The following LYPD5 variants were observed in gnomAD, a reference collection of about 807,000 sequenced individuals.
The protein encoded by LYPD5 is LY6/PLAUR domain containing 5.
Under a neutral mutation model 19.1 loss-of-function variants are expected in LYPD5, and 21 were observed. The ratio of observed to expected loss-of-function variants is 1.10; its 90% confidence interval spans 0.78 to 1.58. The LOEUF is 1.58. LYPD5 is among the 40% of genes most tolerant of loss of function. The pLI is 0.00. For missense variants in LYPD5, 287 were observed against 329.8 expected (o/e 0.87, Z 1.00); for synonymous variants, 128 against 142.7 (o/e 0.90, Z 0.74).
At position 43,799,798 on chromosome 19, in the gene LYPD5, G is replaced by T; in HGVS notation, c.101C>A (p.Thr34Asn). The T allele has an allele frequency of 6.2e-7, 1 of 1,613,740 alleles. No homozygotes were observed. Among genetic ancestry groups the T allele is most frequent in the Non-Finnish European group, 8.5e-7 (1 of 1,179,862 alleles). ...QALQCYSFEH[T>N]YFGPFDLRAM... Reference sequence around the variant, plus strand: ...CCTGAGGTCAAAGGGGCCAAAGTAGGTGTGCTCAAAGCTGTAGCACTGCAG... The same window carrying T: ...CCTGAGGTCAAAGGGGCCAAAGTAGTTGTGCTCAAAGCTGTAGCACTGCAG... Residue 34 changes from threonine to asparagine, a missense_variant, in exon 2 of 5, where the codon ACC becomes AAC. Coordinates refer to ENST00000377950, the MANE Select transcript of LYPD5 (RefSeq NM_001031749.3).
chr19:43,799,411 C>CT (rs34007941), intron 2 of LYPD5, among the ~76,000 whole-genome samples: 1 of 151,982 alleles, frequency 6.6e-6, no homozygotes, highest in Non-Finnish European at 1.5e-5. Context: ...GCCCAGCTAA[C>CT]TTTTTGTATA....
Position 43,798,450 on chromosome 19 carries a change from CT to C in LYPD5, c.517+4del. On this transcript the variant is annotated splice_donor_region_variant and intron_variant, in intron 4 of 4. Coordinates refer to ENST00000377950, the MANE Select transcript of LYPD5 (RefSeq NM_001031749.3). Reference sequence around the variant, plus strand: ...CCAGGCCCTTCCACCCTTCCAGCCCCTTACCAACTGTCATTCTGCCATTGCC... The same window carrying C: ...CCAGGCCCTTCCACCCTTCCAGCCCCTACCAACTGTCATTCTGCCATTGCC... 1 of 1,605,416 alleles carries C rather than the reference CT, an allele frequency of 6.2e-7. No individual in the cohort carries two copies.
At chr19:43,817,457 G>C (rs1970383341) in intron 1 of LYPD5, among the ~76,000 whole-genome samples, 2 of 152,164 alleles carry the variant, frequency 1.3e-5, no homozygotes, top group Admixed American at 1.3e-4. Context: ...TTGAAGGGAA[G>C]AGCTGCAAAG....
chr19:43,817,522 T>C (rs1276484766), intron 1 of LYPD5, among the ~76,000 whole-genome samples: 2 of 152,162 alleles, frequency 1.3e-5, no homozygotes, highest in African/African-American at 4.8e-5. Context: ...GGATTTTTTT[T>C]CAATCTACCA....
rs375136651 is a variant in LYPD5 at position 43,797,653 on chromosome 19, G to C, written c.694C>G (p.Arg232Gly). The change falls in exon 5 of 5, where the codon CGA (arginine) becomes GGA (glycine). Residue 232 changes from arginine to glycine, a missense_variant. Transcript: ENST00000377950. ...AGCAGGGCCAGGACCTGTAGTGCTC[G>C]GGGAGGGGTGGTGGCTGAAGCACTG... ...FTSASATTPP[R>G]ALQVLALLLP... The C allele has an allele frequency of 5.6e-6, 9 of 1,613,660 alleles. 1 individual carries two copies. The highest frequency in any genetic ancestry group is 5.5e-5 in the South Asian group (5 of 91,066).
chr19:43,799,796 A>C lies in LYPD5; in HGVS notation c.103T>G (p.Tyr35Asp). ...ALQCYSFEHT[Y>D]FGPFDLRAMK... is the part of the protein sequence containing the mutation. ...GCCCTGAGGTCAAAGGGGCCAAAGT[A>C]GGTGTGCTCAAAGCTGTAGCACTGC... Residue 35 changes from tyrosine (Y) to aspartate (D), a missense_variant, in exon 2 of 5, where the codon TAC becomes GAC. By Grantham distance (160) the Tyr-to-Asp change is radical. Transcript: ENST00000377950. 6.2e-7 allele frequency: 1 copy of C among 1,613,702 alleles called. No homozygotes were observed. Among genetic ancestry groups the C allele is most frequent in the Non-Finnish European group, 8.5e-7 (1 of 1,179,846 alleles).
chr19:43,807,276 C>CTTTTTTTTT (rs1251451176), upstream of LYPD5, among the ~76,000 whole-genome samples: 5 of 144,088 alleles, frequency 3.5e-5, no homozygotes, highest in Admixed American at 6.9e-5. Context: ...CTTTTCTTTT[C>CTTTTTTTTT]TTTTCTTTTT....
intron 1 of LYPD5, among the ~76,000 whole-genome samples, chr19:43,808,851 AC>A: frequency 6.6e-6 from 1 of 152,366 alleles, no homozygotes; most frequent in East Asian, 1.9e-4. Context: ...TTAGCATCTT[AC>A]AATACTATGT....
At chr19:43,803,572 G>T (rs1970245909), upstream of LYPD5, among the ~76,000 whole-genome samples, 1 of 151,888 alleles carries the variant, frequency 6.6e-6, no homozygotes, top group African/African-American at 2.4e-5. Flanking sequence ...GAGCCTTAAT[G>T]GTCCCCTCAG....
chr19:43,816,143 C>T (rs1021666763), intron 1 of LYPD5, among the ~76,000 whole-genome samples: 7 of 152,096 alleles, frequency 4.6e-5, no homozygotes, highest in Admixed American at 3.9e-4. Context: ...GCCTGTTTAT[C>T]AGTTTAGGAA....
At chr19:43,811,663 G>A (rs929456205) in intron 1 of LYPD5, among the ~76,000 whole-genome samples, 2 of 139,656 alleles carry the variant, frequency 1.4e-5, no homozygotes, top group Non-Finnish European at 3.1e-5. Flanking sequence ...TCTAGCCTGG[G>A]TGACAAAGGG....
In LYPD5 at chr19:43,808,807, A is replaced by C. The variant is rs893006862; in HGVS notation, c.-65-8973T>G. On this transcript the variant is annotated intron_variant, in intron 1 of 4. Transcript: ENST00000414615. ...CCTGATTATTTTTTGTCCTTGATAG[A>C]CATCGAATAAGGTTAATATTTTATC... Among the ~76,000 whole-genome samples, 3 of 152,336 alleles carry C rather than the reference A, an allele frequency of 2.0e-5. No individual in the cohort carries two copies. The South Asian group carries it at 6.2e-4, about 32-fold the overall frequency.
chr19:43,820,564 T>C (rs1243526605), exon 1 of LYPD5: 2 of 151,772 alleles, frequency 1.3e-5, no homozygotes, highest in Admixed American at 6.6e-5. Flanking sequence ...GGGGCATGAG[T>C]CCGCAACGCC....
intron 1 of LYPD5, among the ~76,000 whole-genome samples, chr19:43,812,382 T>TATCTATCA (rs1970334025): frequency 2.0e-5 from 2 of 101,306 alleles, no homozygotes; most frequent in South Asian, 6.0e-4. Flanking sequence ...TCTATCAATC[T>TATCTATCA]ATCATCTATC....
rs76874749 is a variant in LYPD5, at chr19:43,811,193, G to C, written c.-66+9347C>G. On this transcript the variant is annotated intron_variant, in intron 1 of 4. Transcript: ENST00000414615. ...AACTTTGAAATATAGGATGACATGGGGCTGGGTGCCATGGCTTATGCCTGT... is the reference window on the plus strand; with the variant it reads ...AACTTTGAAATATAGGATGACATGGCGCTGGGTGCCATGGCTTATGCCTGT... 1.7e-3 allele frequency among the ~76,000 whole-genome samples: 260 copies of C among 152,200 alleles called. 5 individuals carry two copies. The East Asian group carries it at 0.039, about 23-fold the overall frequency.
chr19:43,804,415 T>C (rs892519939), upstream of LYPD5, among the ~76,000 whole-genome samples: 2 of 91,656 alleles, frequency 2.2e-5, no homozygotes, highest in African/African-American at 6.4e-5. Context: ...CTCCATGTGA[T>C]GGACACATCC....
rs776212271 is a variant in LYPD5, at chr19:43,796,160, G to T, written c.*1431C>A. ...CTCATGATCTCACCACCTCCCAAAG[G>T]CCCCACCTCCCAGTAATATCACTTT... On this transcript the variant is annotated 3_prime_UTR_variant, in exon 5 of 5. Transcript: ENST00000377950. 17 of 152,044 alleles carry T rather than the reference G, an allele frequency of 1.1e-4. No homozygotes were observed. The highest frequency in any genetic ancestry group is 3.4e-4 in the African/African-American group (14 of 41,384). The allele number at this position is 152,044 out of a possible 1,614,324, so 9.4% of individuals were successfully genotyped here.
rs1393761757 is a variant in LYPD5, at chr19:43,797,611, G to C, written c.736C>G (p.Leu246Val). The change falls in exon 5 of 5, where the codon CTG (leucine) becomes GTG (valine). Residue 246 changes from leucine to valine, a missense_variant. By Grantham distance (32) the Leu-to-Val change is conservative. Transcript: ENST00000377950. ...GCGGTCTATGCTGAGAGCCCCACCA[G>C]CAGGAGGACTGGGAGGAGCAGGGCC... ...VLALLLPVLL[L>V]VGLSA is the part of the protein sequence containing the mutation. 6.2e-7 allele frequency: 1 copy of C among 1,607,262 alleles called. No individual in the cohort carries two copies. The highest frequency in any genetic ancestry group is 1.3e-5 in the African/African-American group (1 of 74,836).
chr19:43,799,704 A>C lies in LYPD5; in HGVS notation c.193+2T>G. On this transcript the variant is annotated splice_donor_variant, in intron 2 of 4. Transcript: ENST00000377950. LOFTEE classifies it high-confidence loss of function. ...CCCTGTCCCCCGGCTCCCGCTCCTT[A>C]CCGGTGTCCAGAGACAGGATAGCCT... 6.2e-7 allele frequency: 1 copy of C among 1,611,494 alleles called. No individual in the cohort carries two copies. The highest frequency in any genetic ancestry group is 8.5e-7 in the Non-Finnish European group (1 of 1,179,162).
Sources: gnomAD v4.1 joint callset for allele counts (sites outside exome capture counted in the v4.1 genomes callset) on GRCh38, gnomAD v4.1.1 for gene constraint, MANE v1.5 for transcripts, NCBI Gene and HGNC (gene_info 2026-07-23, HGNC 2026-07-21) for gene names.